CABIN1: variants seen among roughly 807,000 people sequenced by gnomAD.
The protein encoded by CABIN1 is calcineurin-binding protein cabin-1.
A neutral mutation model predicts 227.7 loss-of-function variants in CABIN1; 133 were observed. The observed-to-expected ratio is 0.58, with a 90% confidence interval of 0.51 to 0.67. CABIN1 has a LOEUF of 0.67. Among genes scored for constraint, CABIN1 ranks in the 30% least tolerant of loss-of-function variants. The probability of loss-of-function intolerance (pLI) is 0.00; values close to 1 mark genes in which losing one functional copy is unlikely to be tolerated. For synonymous variants in CABIN1, 1,086 were observed against 1,155.1 expected (o/e 0.94, Z 1.21); for missense variants, 2,408 against 2,852.5 (o/e 0.84, Z 3.55).
chr22:24,174,715 C>G (rs1398344215), intron 34 of CABIN1, among the ~76,000 whole-genome samples: 6 of 152,294 alleles, frequency 3.9e-5, no homozygotes, highest in Admixed American at 6.5e-5. Context: ...CAGGTCCTCA[C>G]TGGTTATTGG....
At chr22:24,168,910 C>T (rs1421985815) in intron 33 of CABIN1, among the ~76,000 whole-genome samples, 2 of 152,136 alleles carry the variant, frequency 1.3e-5, no homozygotes. Flanking sequence ...ACAGGGACTG[C>T]CCCCCGCCCC....
intron 11 of CABIN1, 34 bp from the exon 12 acceptor site, chr22:24,059,890 T>C (rs2039066949): frequency 6.3e-7 from 1 of 1,583,948 alleles, no homozygotes; most frequent in Non-Finnish European, 8.7e-7. Flanking sequence ...AGGTACTCTT[T>C]ATTCAAGTCA....
At chr22:24,085,801 T>C (rs925942220) in intron 22 of CABIN1, among the ~76,000 whole-genome samples, 13 of 152,160 alleles carry the variant, frequency 8.5e-5, no homozygotes, top group African/African-American at 3.1e-4. Context: ...TATTTTTTCC[T>C]ACCTAGGAGG....
intron 28 of CABIN1, among the ~76,000 whole-genome samples, chr22:24,130,463 T>C (rs187274120): frequency 1.9e-4 from 29 of 152,302 alleles, no homozygotes; most frequent in Non-Finnish European, 3.5e-4. Context: ...TGAGCCTCTA[T>C]TTCCTCATTG....
At chr22:24,066,173 G>A (rs1333354066) in intron 15 of CABIN1, among the ~76,000 whole-genome samples, 2 of 152,230 alleles carry the variant, frequency 1.3e-5, no homozygotes, top group East Asian at 3.8e-4. Context: ...GCTGAGTGGG[G>A]CCTCTGTTGG....
chr22:24,171,303 A>C (rs560773675), intron 33 of CABIN1, among the ~76,000 whole-genome samples: 1 of 152,274 alleles, frequency 6.6e-6, no homozygotes, highest in African/African-American at 2.4e-5. Flanking sequence ...GCCATTGGGA[A>C]GTCACCCTCC....
chr22:24,021,153 C>T (rs909624131), intron 1 of CABIN1, among the ~76,000 whole-genome samples: 3 of 151,886 alleles, frequency 2.0e-5, no homozygotes, highest in Admixed American at 6.6e-5. Context: ...GTGCATATCA[C>T]CATGCCTGGC....
intron 9 of CABIN1, among the ~76,000 whole-genome samples, chr22:24,055,705 T>C (rs986874994): frequency 2.6e-5 from 4 of 152,400 alleles, no homozygotes; most frequent in East Asian, 3.9e-4. Context: ...CTGGCAGATA[T>C]AGAAGTTTCT....
chr22:24,064,000 G>A (rs1777402186), intron 14 of CABIN1, 35 bp from the exon 15 acceptor site: 1 of 1,613,508 alleles, frequency 6.2e-7, no homozygotes, highest in Non-Finnish European at 8.5e-7. Context: ...TCAGTCTTCT[G>A]CTTTGGTTCC....
chr22:24,047,547 C>T (rs1388272002), intron 6 of CABIN1, among the ~76,000 whole-genome samples: 2 of 152,176 alleles, frequency 1.3e-5, no homozygotes, highest in Non-Finnish European at 2.9e-5. Context: ...ACCTTTGGAC[C>T]ATCTATTGAG....
intron 23 of CABIN1, among the ~76,000 whole-genome samples, chr22:24,090,316 G>T (rs1183488642): frequency 2.6e-5 from 4 of 152,156 alleles, no homozygotes; most frequent in African/African-American, 7.2e-5. Context: ...TAGTGACTTG[G>T]TCCAGGTCAC....
intron 27 of CABIN1, 38 bp downstream of exon 27, chr22:24,113,786 A>T: frequency 6.2e-7 from 1 of 1,609,394 alleles, no homozygotes; most frequent in Non-Finnish European, 8.5e-7. Flanking sequence ...AACCACTTTG[A>T]TGTCCTGTGG....
chr22:24,063,022 C>A lies in CABIN1; in HGVS notation c.1760C>A (p.Thr587Asn), dbSNP rs1250139024. The change falls in exon 14 of 37, where the codon ACC becomes AAC. Residue 587 changes from threonine to asparagine, a missense_variant. Transcript: ENST00000263119. ...NGRFGPDFPGTHCLGDLLQLS... is the reference protein window; with the variant it reads ...NGRFGPDFPGNHCLGDLLQLS... ...AGATTTGGACCTGACTTCCCAGGGA[C>A]CCACTGCCTGGGTGACCTCCTACAG... is the stretch of plus-strand genomic sequence containing the variant. 4.3e-6 allele frequency: 7 copies of A among 1,614,184 alleles called. No individual in the cohort carries two copies. In the East Asian group the frequency reaches 1.6e-4, roughly 36 times the overall value.
At chr22:24,167,908 A>G (rs1055820158) in intron 32 of CABIN1, among the ~76,000 whole-genome samples, 5 of 152,154 alleles carry the variant, frequency 3.3e-5, no homozygotes, top group Admixed American at 1.3e-4. Flanking sequence ...GCATGGGGCT[A>G]TCACCATCAG....
chr22:24,033,508 CTGTT>C (rs1011468814), intron 1 of CABIN1, among the ~76,000 whole-genome samples: 9 of 152,166 alleles, frequency 5.9e-5, no homozygotes, highest in African/African-American at 2.2e-4. Context: ...TTCAATCTGT[CTGTT>C]TGAGGCTTAT....
At chr22:24,066,441 C>A (rs1406165461) in intron 15 of CABIN1, among the ~76,000 whole-genome samples, 3 of 152,216 alleles carry the variant, frequency 2.0e-5, no homozygotes, top group Non-Finnish European at 1.5e-5. Flanking sequence ...CCACTTTATT[C>A]ATTGTGCAGC....
chr22:24,175,887 G>A (rs2047075818), intron 34 of CABIN1: 2 of 628,952 alleles, frequency 3.2e-6, no homozygotes, highest in Non-Finnish European at 5.7e-6. Context: ...AGGCGGAGGA[G>A]CCCTCTGGGG....
intron 32 of CABIN1, 131 bp from the exon 33 acceptor site, chr22:24,168,316 G>C: frequency 1.2e-6 from 1 of 813,526 alleles, no homozygotes; most frequent in Admixed American, 2.0e-5. Flanking sequence ...AGAGTCTGGG[G>C]TGTTGGGGGG....
chr22:24,115,675 T>G (rs2043043078), intron 27 of CABIN1, among the ~76,000 whole-genome samples: 1 of 152,190 alleles, frequency 6.6e-6, no homozygotes, highest in African/African-American at 2.4e-5. Context: ...GATCTCCCAT[T>G]GGGTAGCAGC....
Sources: gnomAD v4.1 joint callset for allele counts (sites outside exome capture counted in the v4.1 genomes callset) on GRCh38, gnomAD v4.1.1 for gene constraint, MANE v1.5 for transcripts, NCBI Gene and HGNC (gene_info 2026-07-23, HGNC 2026-07-21) for gene names.